Variants in SPATA6 observed in about 807,000 individuals in gnomAD.
SPATA6 encodes the protein spermatogenesis-associated protein 6.
Under a neutral mutation model 65.3 loss-of-function variants are expected in SPATA6, and 56 were observed. The observed-to-expected ratio is 0.86, with a 90% CI of 0.69 to 1.07. The LOEUF (loss-of-function observed/expected upper bound fraction) is 1.07. Ranked by LOEUF, SPATA6 falls within the 50% of genes least tolerant of loss-of-function variation. The pLI, the probability that SPATA6 is intolerant of heterozygous loss-of-function variation, is 0.00. For missense variants in SPATA6, 590 were observed against 594.8 expected, an observed-to-expected ratio of 0.99 and a Z score of 0.08; for synonymous variants, 199 against 213.2, an observed-to-expected ratio of 0.93 and a Z score of 0.58.
chr1:48,311,074 G>A (rs1055611858), intron 11 of SPATA6, among the ~76,000 whole-genome samples: 3 of 151,928 alleles, frequency 2.0e-5, no homozygotes, highest in African/African-American at 7.2e-5. Context: ...TGAAAATGAG[G>A]CAGTGCTTCT....
chr1:48,370,034 A>G (rs559555171), intron 9 of SPATA6, among the ~76,000 whole-genome samples: 1 of 152,180 alleles, frequency 6.6e-6, no homozygotes, highest in Non-Finnish European at 1.5e-5. Flanking sequence ...ATTCCTGAAA[A>G]GTTGCTTACA....
chr1:48,402,498 T>C (rs780810266), intron 6 of SPATA6: 18 of 152,198 alleles, frequency 1.2e-4, no homozygotes, highest in Non-Finnish European at 2.5e-4. Flanking sequence ...TTGGCAAGCA[T>C]AGGTTTTTAG....
At chr1:48,392,829 A>G (rs1416317801) in intron 8 of SPATA6, among the ~76,000 whole-genome samples, 2 of 152,102 alleles carry the variant, frequency 1.3e-5, no homozygotes, top group Non-Finnish European at 2.9e-5. Flanking sequence ...AAGAGATCCT[A>G]CCATAAGAAA....
chr1:48,264,971 G>A, the SPATA6 span, among the ~76,000 whole-genome samples: 7 of 152,262 alleles, frequency 4.6e-5, no homozygotes, highest in East Asian at 1.2e-3. Context: ...TGAACTAAAA[G>A]TTCCCTGAAT....
the SPATA6 span, among the ~76,000 whole-genome samples, chr1:48,276,940 A>C: frequency 6.6e-6 from 1 of 151,750 alleles, no homozygotes; most frequent in South Asian, 2.1e-4. Flanking sequence ...CAAGTCTTCC[A>C]CTATTATTGT....
At chr1:48,327,905 A>T (rs1265273821) in intron 11 of SPATA6, among the ~76,000 whole-genome samples, 2 of 152,188 alleles carry the variant, frequency 1.3e-5, no homozygotes, top group African/African-American at 4.8e-5. Context: ...TAATTACACT[A>T]GAACCACAAT....
rs550550182 is a variant in SPATA6 at position 48,355,574 on chromosome 1, T to C, written c.1194+96A>G. 130 of 833,420 alleles carry C rather than the reference T, an allele frequency of 1.6e-4. No homozygotes were observed. In the African/African-American group the frequency reaches 2.0e-3, roughly 13 times the overall value. The allele number at this position is 833,420 out of a possible 1,614,324, so 51.6% of individuals were successfully genotyped here. On this transcript the variant is annotated intron_variant, in intron 11 of 12. Coordinates refer to ENST00000371847, the MANE Select transcript of SPATA6 (RefSeq NM_019073.4). The stretch of plus-strand genomic sequence containing the variant: ...ATGGAGCTTGCTTGCTTTCTTTTTT[T>C]CTTCCCGGTGACTAAATTTTGTAAG...
intron 12 of SPATA6, among the ~76,000 whole-genome samples, chr1:48,299,355 A>C (rs1043635044): frequency 6.6e-6 from 1 of 151,676 alleles, no homozygotes; most frequent in African/African-American, 2.4e-5. Context: ...ATCTACTAAA[A>C]AATACAAAAT....
chr1:48,286,855 G>A, the SPATA6 span, among the ~76,000 whole-genome samples: 13 of 151,962 alleles, frequency 8.6e-5, no homozygotes, highest in African/African-American at 3.1e-4. Flanking sequence ...TGGCCAACAT[G>A]GTGAAGCCCT....
At chr1:48,449,198 T>C (rs1656335517) in intron 3 of SPATA6, among the ~76,000 whole-genome samples, 1 of 152,076 alleles carries the variant, frequency 6.6e-6, no homozygotes, top group Non-Finnish European at 1.5e-5. Flanking sequence ...AATGACAATA[T>C]TAGAAAAATA....
intron 1 of SPATA6, among the ~76,000 whole-genome samples, chr1:48,454,616 C>T (rs1050048179): frequency 1.3e-5 from 2 of 152,148 alleles, no homozygotes; most frequent in South Asian, 2.1e-4. Context: ...GTACATATCA[C>T]CTCTTGATCA....
chr1:48,420,746 T>C (rs1653247218), intron 3 of SPATA6, among the ~76,000 whole-genome samples: 1 of 152,150 alleles, frequency 6.6e-6, no homozygotes, highest in Non-Finnish European at 1.5e-5. Context: ...AATAGACGCT[T>C]ATTAAGAATC....
intron 7 of SPATA6, among the ~76,000 whole-genome samples, chr1:48,395,644 T>C (rs932498762): frequency 1.3e-5 from 2 of 151,964 alleles, no homozygotes; most frequent in Admixed American, 6.6e-5. Context: ...CCTAGTTTGC[T>C]TTCCATCACA....
intron 11 of SPATA6, among the ~76,000 whole-genome samples, chr1:48,337,689 A>G (rs1203100458): frequency 6.6e-6 from 1 of 151,980 alleles, no homozygotes; most frequent in Admixed American, 6.6e-5. Context: ...AAAAGCAGGT[A>G]AATTATATTC....
At chr1:48,436,707 G>A (rs1241707282) in intron 3 of SPATA6, 3 of 1,614,088 alleles carry the variant, frequency 1.9e-6, no homozygotes, top group Non-Finnish European at 2.5e-6. Context: ...GGTATAATGT[G>A]AAGTCAGATA....
chr1:48,277,760 C>G, the SPATA6 span, among the ~76,000 whole-genome samples: 1 of 152,326 alleles, frequency 6.6e-6, no homozygotes, highest in Non-Finnish European at 1.5e-5. Context: ...AGGGCACAGA[C>G]AAACAAAAAG....
intron 2 of SPATA6, 107 bp downstream of exon 2, chr1:48,452,887 C>T: frequency 7.5e-7 from 1 of 1,327,898 alleles, no homozygotes; most frequent in Non-Finnish European, 1.0e-6. Flanking sequence ...TGAATTAAAC[C>T]AAAGCACACA....
intron 5 of SPATA6, among the ~76,000 whole-genome samples, chr1:48,404,248 T>C (rs1010068702): frequency 6.6e-6 from 1 of 151,640 alleles, no homozygotes; most frequent in Non-Finnish European, 1.5e-5. Flanking sequence ...TTACGACATA[T>C]TTAACCATAT....
chr1:48,327,837 T>A (rs968714788), intron 11 of SPATA6, among the ~76,000 whole-genome samples: 1 of 152,084 alleles, frequency 6.6e-6, no homozygotes, highest in Non-Finnish European at 1.5e-5. Flanking sequence ...AGAGGGCAAA[T>A]ATGGGTTGAA....
Sources: allele counts gnomAD v4.1 joint callset (sites outside exome capture counted in the v4.1 genomes callset), GRCh38; gene constraint gnomAD v4.1.1; transcripts MANE v1.5; gene names NCBI Gene and HGNC (gene_info 2026-07-23, HGNC 2026-07-21).